FAF1: variants seen among roughly 807,000 people sequenced by gnomAD.
FAF1 encodes Fas associated factor 1.
Under a neutral mutation model 92.5 loss-of-function variants are expected in FAF1, and 25 were observed. The observed-to-expected ratio is 0.27, with a 90% CI of 0.20 to 0.38. The LOEUF is 0.38. FAF1 is among the 10% of genes least tolerant of loss of function. FAF1 has a pLI of 1.00. For missense variants in FAF1, 636 were observed against 793.3 expected (o/e 0.80, Z 2.38); for synonymous variants, 234 against 273.2 (o/e 0.86, Z 1.42).
chr1:50,637,698 T>C lies in FAF1; in HGVS notation c.744+17744A>G, dbSNP rs1334623038. Among the ~76,000 whole-genome samples, 10 of 150,698 alleles carry C rather than the reference T, an allele frequency of 6.6e-5. No individual in the cohort carries two copies. The South Asian group carries it at 2.1e-3, about 32-fold the overall frequency. On this transcript the variant is annotated intron_variant, in intron 8 of 18. Coordinates refer to ENST00000396153, the MANE Select transcript of FAF1 (RefSeq NM_007051.3). Reference sequence around the variant, plus strand: ...ATATATATATGTGTGTGTGTGTGTGTGTGTGTGTGTGTGTGCGTGTGCATA... The same window carrying C: ...ATATATATATGTGTGTGTGTGTGTGCGTGTGTGTGTGTGTGCGTGTGCATA...
chr1:50,853,775 G>A (rs1644370299), intron 2 of FAF1, among the ~76,000 whole-genome samples: 3 of 151,932 alleles, frequency 2.0e-5, no homozygotes. Context: ...AAGTGGCAGA[G>A]CATCTTCTCC....
intron 17 of FAF1, among the ~76,000 whole-genome samples, chr1:50,480,387 A>G (rs749527274): frequency 6.6e-6 from 1 of 152,246 alleles, no homozygotes; most frequent in Non-Finnish European, 1.5e-5. Context: ...ATATACACAC[A>G]AAACAACCTC....
chr1:50,452,236 T>A, intron 18 of FAF1: 1 of 1,094,712 alleles, frequency 9.1e-7, no homozygotes, highest in Non-Finnish European at 1.2e-6. Context: ...AGTCCCGCTT[T>A]ACAGAACAAT....
At chr1:50,611,404 C>A (rs1652677776) in intron 8 of FAF1, among the ~76,000 whole-genome samples, 1 of 150,992 alleles carries the variant, frequency 6.6e-6, no homozygotes, top group South Asian at 2.1e-4. Flanking sequence ...ATAAGCCTCT[C>A]TGTTTCAAGT....
intron 4 of FAF1, among the ~76,000 whole-genome samples, chr1:50,781,752 C>A (rs970432447): frequency 6.6e-6 from 1 of 152,114 alleles, no homozygotes; most frequent in Non-Finnish European, 1.5e-5. Context: ...ACATATTACT[C>A]CATAAAAAAG....
At chr1:50,855,238 C>T (rs922387604) in intron 2 of FAF1, among the ~76,000 whole-genome samples, 1 of 151,770 alleles carries the variant, frequency 6.6e-6, no homozygotes, top group Non-Finnish European at 1.5e-5. Context: ...TTAGAGACTA[C>T]ATCTTGTTAT....
intron 4 of FAF1, among the ~76,000 whole-genome samples, chr1:50,772,452 T>C (rs1660806934): frequency 1.3e-5 from 2 of 152,240 alleles, no homozygotes; most frequent in Non-Finnish European, 2.9e-5. Flanking sequence ...TTAACCTAAA[T>C]ACTCATCAAT....
At chr1:50,643,215 CT>C (rs781138995) in intron 8 of FAF1, among the ~76,000 whole-genome samples, 293 of 152,086 alleles carry the variant, frequency 1.9e-3, no homozygotes, top group Non-Finnish European at 3.4e-3. Flanking sequence ...TTCTTTCTTT[CT>C]TTTGTGGCTG....
chr1:50,809,473 C>G (rs1662337243), intron 2 of FAF1, among the ~76,000 whole-genome samples: 1 of 152,110 alleles, frequency 6.6e-6, no homozygotes, highest in African/African-American at 2.4e-5. Context: ...CACTCAGAGA[C>G]TGCTATGAAC....
intron 4 of FAF1, among the ~76,000 whole-genome samples, chr1:50,774,610 C>T (rs1047108791): frequency 2.1e-4 from 32 of 152,060 alleles, no homozygotes; most frequent in African/African-American, 6.7e-4. Flanking sequence ...AATAACAGAC[C>T]TATTTTTCTG....
At chr1:50,649,898 G>T (rs1654780140) in intron 8 of FAF1, among the ~76,000 whole-genome samples, 1 of 152,010 alleles carries the variant, frequency 6.6e-6, no homozygotes, top group Admixed American at 6.6e-5. Context: ...CTGGGAGGTG[G>T]AGGTTGCAGT....
At chr1:50,651,290 A>G (rs1292798216) in intron 8 of FAF1, among the ~76,000 whole-genome samples, 1 of 152,242 alleles carries the variant, frequency 6.6e-6, no homozygotes, top group East Asian at 1.9e-4. Flanking sequence ...TTTTTAAAAA[A>G]ATAGCTTCAC....
intron 15 of FAF1, among the ~76,000 whole-genome samples, chr1:50,513,027 G>C (rs372548756): frequency 6.6e-6 from 1 of 152,164 alleles, no homozygotes; most frequent in Non-Finnish European, 1.5e-5. Flanking sequence ...TGAGGGCCCA[G>C]AGCAAGCCTC....
intron 12 of FAF1, chr1:50,582,350 C>G (rs1188787916): frequency 5.5e-6 from 2 of 360,614 alleles, no homozygotes; most frequent in Non-Finnish European, 1.0e-5. Flanking sequence ...ACTAGGTTAG[C>G]AGATGAACCA....
intron 4 of FAF1, among the ~76,000 whole-genome samples, chr1:50,746,500 T>C (rs1366732591): frequency 1.3e-5 from 2 of 150,226 alleles, no homozygotes; most frequent in Non-Finnish European, 3.0e-5. Flanking sequence ...ATGGGGTTTC[T>C]CATGTTGGTC....
intron 15 of FAF1, among the ~76,000 whole-genome samples, chr1:50,533,145 C>T (rs1648270319): frequency 6.6e-6 from 1 of 151,876 alleles, no homozygotes; most frequent in Admixed American, 6.6e-5. Context: ...ACGTTGTTGC[C>T]CTGGCTGGAA....
At chr1:50,594,518 G>T (rs888419070) in intron 9 of FAF1, among the ~76,000 whole-genome samples, 1 of 150,912 alleles carries the variant, frequency 6.6e-6, no homozygotes, top group Non-Finnish European at 1.5e-5. Flanking sequence ...GGGCATGAAA[G>T]TGCTGTTTGT....
At chr1:50,934,155 C>T (rs916175668) in intron 1 of FAF1, among the ~76,000 whole-genome samples, 1 of 152,158 alleles carries the variant, frequency 6.6e-6, no homozygotes, top group Non-Finnish European at 1.5e-5. Context: ...CCCTCCAGAA[C>T]TTATCAGTTT....
At chr1:50,628,229 CAT>C (rs1221898740) in intron 8 of FAF1, among the ~76,000 whole-genome samples, 3 of 152,132 alleles carry the variant, frequency 2.0e-5, no homozygotes, top group African/African-American at 4.8e-5. Flanking sequence ...TTATTGATAA[CAT>C]ATGTTTCCTG....
Sources: gnomAD v4.1 joint callset for allele counts (sites outside exome capture counted in the v4.1 genomes callset) on GRCh38, gnomAD v4.1.1 for gene constraint, MANE v1.5 for transcripts, NCBI Gene and HGNC (gene_info 2026-07-23, HGNC 2026-07-21) for gene names.